Variants in SEH1L observed in about 807,000 individuals in gnomAD.
SEH1L encodes nucleoporin SEH1.
Under a neutral mutation model 49.5 loss-of-function variants are expected in SEH1L, and 18 were observed. The observed-to-expected ratio is 0.36, with a 90% CI of 0.25 to 0.54. The LOEUF (loss-of-function observed/expected upper bound fraction) is 0.54. SEH1L is among the 20% of genes least tolerant of loss of function. SEH1L has a pLI of 0.87. For missense variants in SEH1L, 404 were observed against 528.8 expected (o/e 0.76, Z 2.31); for synonymous variants, 169 against 178.1 (o/e 0.95, Z 0.41).
In SEH1L at chr18:12,970,565, A is replaced by T. The variant is rs576619247; in HGVS notation, c.522-588A>T. 2.0e-5 allele frequency among the ~76,000 whole-genome samples: 3 copies of T among 152,156 alleles called. No homozygotes were observed. In the South Asian group the frequency reaches 6.2e-4, roughly 32 times the overall value. The stretch of plus-strand genomic sequence containing the variant: ...CTCCTGAGTAGCTGAGACAAACGGC[A>T]CATGCCACCACACCAGGCTAATTAA... On this transcript the variant is annotated intron_variant, in intron 4 of 8. Coordinates refer to ENST00000399892, the MANE Select transcript of SEH1L (RefSeq NM_001013437.2).
At chr18:12,983,971 T>G in intron 7 of SEH1L, 69 bp from the exon 8 acceptor site, 1 of 1,213,946 alleles carries the variant, frequency 8.2e-7, no homozygotes, top group Non-Finnish European at 1.2e-6. Flanking sequence ...TTTAAGGACA[T>G]GGGTACAGAT....
In SEH1L at chr18:12,985,464, T is replaced by C. The variant is rs571436488; in HGVS notation, c.1070+1274T>C. ...CAGTTTATTGACACTATTTGAAACTTTTGAAATATAAACGGAGAGGCTTTC... is the reference window on the plus strand; with the variant it reads ...CAGTTTATTGACACTATTTGAAACTCTTGAAATATAAACGGAGAGGCTTTC... On this transcript the variant is annotated intron_variant, in intron 8 of 8. Transcript: ENST00000399892. 4.0e-5 allele frequency: 51 copies of C among 1,277,054 alleles called. No individual in the cohort carries two copies. The African/African-American group carries it at 6.9e-4, about 17-fold the overall frequency. The allele number at this position is 1,277,054 out of a possible 1,614,324, so 79.1% of individuals were successfully genotyped here. A position where few individuals can be genotyped will look rare whatever the true frequency, so the allele number is the denominator to read the frequency against.
At chr18:12,983,730 T>C in intron 7 of SEH1L, among the ~76,000 whole-genome samples, 1 of 152,234 alleles carries the variant, frequency 6.6e-6, no homozygotes, top group Non-Finnish European at 1.5e-5. Flanking sequence ...TTTAATATTA[T>C]AATGAAGATT....
intron 8 of SEH1L, 74 bp from the exon 9 acceptor site, chr18:12,986,788 T>C (rs1487599765): frequency 3.2e-6 from 4 of 1,264,396 alleles, no homozygotes; most frequent in African/African-American, 1.9e-5. Context: ...TTTACTACTT[T>C]TCTCTTTTTC....
In SEH1L at chr18:12,951,861, G is replaced by T; in HGVS notation, c.118G>T (p.Asp40Tyr). The T allele has an allele frequency of 2.5e-6, 4 of 1,572,224 alleles. No individual in the cohort carries two copies. The highest frequency in any genetic ancestry group is 3.5e-6 in the Non-Finnish European group (4 of 1,152,548). ...CSSDQSVKVW[D>Y]KSESGDWHCT... Reference sequence around the variant, plus strand: ...GCCTTTTATTTTCTTATAGGTCTGGGATAAAAGTGAAAGTGGTGATTGGCA... The same window carrying T: ...GCCTTTTATTTTCTTATAGGTCTGGTATAAAAGTGAAAGTGGTGATTGGCA... The change falls in exon 2 of 9, where the codon GAT becomes TAT. Residue 40 changes from aspartate to tyrosine, a missense_variant. By Grantham distance (160) the Asp-to-Tyr change is radical. Transcript: ENST00000399892.
intron 5 of SEH1L, chr18:12,978,517 G>T: frequency 2.5e-6 from 1 of 402,146 alleles, no homozygotes; most frequent in Non-Finnish European, 4.4e-6. Flanking sequence ...AATCTCGGAT[G>T]TCATTCTGAG....
chr18:12,970,266 T>G (rs1326209442), intron 4 of SEH1L, among the ~76,000 whole-genome samples: 1 of 152,164 alleles, frequency 6.6e-6, no homozygotes, highest in Non-Finnish European at 1.5e-5. Context: ...TCATTCAGCT[T>G]ATAGTTCAGG....
rs193158140 is a variant in SEH1L, at chr18:12,964,954, A to T, written c.521+1583A>T. On this transcript the variant is annotated intron_variant, in intron 4 of 8. Coordinates refer to ENST00000399892, the MANE Select transcript of SEH1L (RefSeq NM_001013437.2). Reference sequence around the variant, plus strand: ...GTGCCTGGCTTCCCCTCTCTTAAAAAAGAGGGAATTAGTTTATTGCTTCCC... The same window carrying T: ...GTGCCTGGCTTCCCCTCTCTTAAAATAGAGGGAATTAGTTTATTGCTTCCC... Among the ~76,000 whole-genome samples the T allele has an allele frequency of 3.4e-4, 51 of 151,582 alleles. 1 individual carries two copies. The highest frequency in any genetic ancestry group is 6.9e-3 in the Middle Eastern group (2 of 290).
Position 12,963,216 on chromosome 18 carries a change from T to G in SEH1L, c.366T>G (p.Ala122=), listed in dbSNP as rs1481281638. 5.0e-6 allele frequency: 8 copies of G among 1,614,020 alleles called. No homozygotes were observed. The highest frequency in any genetic ancestry group is 5.1e-6 in the Non-Finnish European group (6 of 1,180,006). The stretch of plus-strand genomic sequence containing the variant: ...CATCTGTTACTGATGTGAAGTTTGC[T>G]CCCAAGCACATGGGTCTTATGTTAG... ...SRTSVTDVKF[A]PKHMGLMLAT... Residue 122 remains alanine (A), a synonymous_variant, in exon 4 of 9, where the codon GCT becomes GCG. Coordinates refer to ENST00000399892, the MANE Select transcript of SEH1L (RefSeq NM_001013437.2).
In SEH1L at chr18:12,948,023, G is replaced by C. The variant is rs1363426358; in HGVS notation, c.-99G>C. The C allele has an allele frequency of 5.0e-6, 4 of 806,188 alleles. No individual in the cohort carries two copies. The South Asian group carries it at 6.5e-5, about 13-fold the overall frequency. 49.9% of individuals were successfully genotyped at this position (806,188 alleles called of 1,614,324 possible). A position where few individuals can be genotyped will look rare whatever the true frequency, so the allele number is the denominator to read the frequency against. On this transcript the variant is annotated 5_prime_UTR_variant, in exon 1 of 9. Coordinates refer to ENST00000399892, the MANE Select transcript of SEH1L (RefSeq NM_001013437.2). ...CGGGGGCGTGGGCAGCACAAGCCGT[G>C]CGCTCCCGGGCTGCGAGGTCTGGCT...
At chr18:12,975,579 G>T (rs1568224953) in intron 5 of SEH1L, among the ~76,000 whole-genome samples, 1 of 151,902 alleles carries the variant, frequency 6.6e-6, no homozygotes, top group Non-Finnish European at 1.5e-5. Flanking sequence ...GGCGGTGGGT[G>T]GGGAGGCTAA....
chr18:12,952,205 C>T, intron 2 of SEH1L, among the ~76,000 whole-genome samples: 1 of 144,274 alleles, frequency 6.9e-6, no homozygotes, highest in East Asian at 2.0e-4. Flanking sequence ...AAAAAAAAAA[C>T]AAAACCTTTA....
chr18:12,982,768 G>T, intron 7 of SEH1L, 93 bp downstream of exon 7: 2 of 926,462 alleles, frequency 2.2e-6, no homozygotes, highest in African/African-American at 1.7e-5. Flanking sequence ...TTTGAAAATG[G>T]TCTTTTACAG....
At chr18:12,951,604 T>G (rs1167605238) in intron 1 of SEH1L, among the ~76,000 whole-genome samples, 1 of 152,258 alleles carries the variant, frequency 6.6e-6, no homozygotes, top group Non-Finnish European at 1.5e-5. Context: ...TTGTCTAGGC[T>G]GGTCTCGAAC....
At chr18:12,957,359 C>T (rs1039559350) in intron 3 of SEH1L, among the ~76,000 whole-genome samples, 4 of 151,560 alleles carry the variant, frequency 2.6e-5, no homozygotes, top group South Asian at 2.1e-4. Flanking sequence ...ACCCGGGAGG[C>T]GGAGGTTGTG....
At chr18:12,963,489 T>A (rs2031290777) in intron 4 of SEH1L, 118 bp downstream of exon 4, 1 of 737,856 alleles carries the variant, frequency 1.4e-6, no homozygotes, top group African/African-American at 1.8e-5. Context: ...ATATAGAGTA[T>A]ATGTTCTCCA....
chr18:12,976,959 G>C (rs989276499), intron 5 of SEH1L: 1 of 151,200 alleles, frequency 6.6e-6, no homozygotes, highest in Non-Finnish European at 1.5e-5. Context: ...CTGGGCGACA[G>C]AGCCAGACTC....
At chr18:12,985,581 G>C in intron 8 of SEH1L, 1 of 1,072,006 alleles carries the variant, frequency 9.3e-7, no homozygotes, top group Non-Finnish European at 1.1e-6. Context: ...ATTCTTATCT[G>C]AGTAGTTGGG....
chr18:12,949,151 G>A (rs997335980), intron 1 of SEH1L, among the ~76,000 whole-genome samples: 1 of 151,826 alleles, frequency 6.6e-6, no homozygotes, highest in African/African-American at 2.4e-5. Context: ...ACAGGCGTGA[G>A]CCACCGCGCC....
Sources: allele counts gnomAD v4.1 joint callset (sites outside exome capture counted in the v4.1 genomes callset), GRCh38; gene constraint gnomAD v4.1.1; transcripts MANE v1.5; gene names NCBI Gene and HGNC (gene_info 2026-07-23, HGNC 2026-07-21).